CCDC144A: variants seen among roughly 807,000 people sequenced by gnomAD.
The protein encoded by CCDC144A is coiled-coil domain-containing protein 144A.
A neutral mutation model predicts 143.8 loss-of-function variants in CCDC144A; 41 were observed. The ratio of observed to expected loss-of-function variants is 0.29; its 90% CI spans 0.22 to 0.37. CCDC144A has a LOEUF of 0.37. Among genes scored for constraint, CCDC144A ranks in the 10% least tolerant of loss-of-function variants. The pLI, the probability that CCDC144A is intolerant of heterozygous loss-of-function variation, is 1.00. For missense variants in CCDC144A, 637 were observed against 1,488.8 expected (o/e 0.43, Z 9.41); for synonymous variants, 242 against 517.9 (o/e 0.47, Z 7.23).
At chr17:16,742,751 G>T (rs181042036) in intron 12 of CCDC144A, among the ~76,000 whole-genome samples, 4 of 151,656 alleles carry the variant, frequency 2.6e-5, no homozygotes, top group Non-Finnish European at 5.9e-5. Flanking sequence ...GATTTTTTTT[G>T]ATAGTAGCCA....
intron 8 of CCDC144A, among the ~76,000 whole-genome samples, chr17:16,722,561 G>A (rs888003063): frequency 4.6e-5 from 7 of 151,604 alleles, no homozygotes; most frequent in African/African-American, 1.7e-4. Context: ...GTTCAGTCTC[G>A]GTGTCTTATA....
chr17:16,715,310 TAAAAAA>T (rs368911895), intron 6 of CCDC144A, among the ~76,000 whole-genome samples: 1 of 129,074 alleles, frequency 7.7e-6, no homozygotes. Context: ...GATTCTCAGG[TAAAAAA>T]AAAAAAAAAG....
chr17:16,738,189 A>ATTTG (rs1914107089), intron 12 of CCDC144A, among the ~76,000 whole-genome samples: 2 of 149,526 alleles, frequency 1.3e-5, no homozygotes, highest in African/African-American at 2.5e-5. Context: ...TTTAATTTAC[A>ATTTG]AACTACTTGA....
intron 2 of CCDC144A, among the ~76,000 whole-genome samples, chr17:16,694,063 G>A (rs1212751227): frequency 6.7e-6 from 1 of 148,774 alleles, no homozygotes; most frequent in Non-Finnish European, 1.5e-5. Flanking sequence ...TAGTCTTCAA[G>A]TTGAGCAGGC....
chr17:16,684,207 C>T, the CCDC144A span: 352 of 943,920 alleles, frequency 3.7e-4, 2 homozygotes, highest in South Asian at 6.4e-4. Flanking sequence ...GAGAGGCTGA[C>T]CCAGGGGATG....
chr17:16,688,486 T>G (rs1490010345), upstream of CCDC144A, among the ~76,000 whole-genome samples: 4 of 12,560 alleles, frequency 3.2e-4, no homozygotes, highest in Non-Finnish European at 5.7e-4. Flanking sequence ...CTTTTTCTGT[T>G]TTTTTTTTTT....
chr17:16,752,209 C>CGCGA (rs1914827925), intron 12 of CCDC144A, among the ~76,000 whole-genome samples: 1 of 152,162 alleles, frequency 6.6e-6, no homozygotes, highest in Admixed American at 6.5e-5. Flanking sequence ...CTCATAGGAG[C>CGCGA]GCGAGCCGTG....
the CCDC144A span, among the ~76,000 whole-genome samples, chr17:16,681,132 A>T: frequency 6.6e-6 from 1 of 152,072 alleles, no homozygotes. Flanking sequence ...AGAGAAAAAT[A>T]AATTTAGATA....
At chr17:16,753,796 GATATTGGC>G (rs1244139128) in intron 12 of CCDC144A, among the ~76,000 whole-genome samples, 1 of 152,184 alleles carries the variant, frequency 6.6e-6, no homozygotes, top group African/African-American at 2.4e-5. Context: ...ATCCTTCAGG[GATATTGGC>G]ATGTAGTTTT....
chr17:16,741,494 C>T (rs1914254331), intron 12 of CCDC144A, among the ~76,000 whole-genome samples: 1 of 152,218 alleles, frequency 6.6e-6, no homozygotes, highest in Non-Finnish European at 1.5e-5. Flanking sequence ...AGAGCCTCTT[C>T]TAACTTAATG....
intron 8 of CCDC144A, among the ~76,000 whole-genome samples, chr17:16,726,321 C>CA (rs1181168548): frequency 4.8e-5 from 7 of 146,350 alleles, no homozygotes; most frequent in Non-Finnish European, 1.0e-4. Flanking sequence ...GCGGAGCTTG[C>CA]AGTGAGCCGA....
At chr17:16,757,999 C>T (rs1915178377) in intron 12 of CCDC144A, among the ~76,000 whole-genome samples, 1 of 152,144 alleles carries the variant, frequency 6.6e-6, no homozygotes, top group African/African-American at 2.4e-5. Context: ...TTCCAGTATA[C>T]TCTCTTTGAT....
rs1242309292 is a variant in CCDC144A at position 16,711,713 on chromosome 17, G to C, written c.1613G>C (p.Ser538Thr). 1.3e-6 allele frequency: 2 copies of C among 1,595,664 alleles called. No individual in the cohort carries two copies. Among genetic ancestry groups the C allele is most frequent in the East Asian group, 4.5e-5 (2 of 44,804 alleles). The change falls in exon 6 of 17, where the codon AGC becomes ACC. Residue 538 changes from serine (S) to threonine (T), a missense_variant. Coordinates refer to ENST00000399273, the MANE Select transcript of CCDC144A (RefSeq NM_001382000.1). ...EEEMEKHRSNSTELSGTLTDG... is the reference protein window; with the variant it reads ...EEEMEKHRSNTTELSGTLTDG... Reference sequence around the variant, plus strand: ...GAAATGGAGAAGCACAGAAGTAATAGCACAGAATTATCAGGAACCCTAACT... The same window carrying C: ...GAAATGGAGAAGCACAGAAGTAATACCACAGAATTATCAGGAACCCTAACT...
intron 8 of CCDC144A, 142 bp downstream of exon 8, chr17:16,720,800 C>T (rs1392597034): frequency 3.8e-5 from 53 of 1,397,510 alleles, no homozygotes; most frequent in Middle Eastern, 2.3e-4. Context: ...TTATACTCTA[C>T]GCCAAAGAGC....
In CCDC144A at chr17:16,777,750, A is replaced by G. The variant is rs1474838581; in HGVS notation, c.*4117A>G. 1 of 139,804 alleles carries G rather than the reference A, an allele frequency of 7.2e-6. No individual in the cohort carries two copies. The highest frequency in any genetic ancestry group is 2.1e-4 in the East Asian group (1 of 4,730). The allele number at this position is 139,804 out of a possible 1,614,324, so 8.7% of individuals were successfully genotyped here. A position where few individuals can be genotyped will look rare whatever the true frequency, so the allele number is the denominator to read the frequency against. On this transcript the variant is annotated 3_prime_UTR_variant, in exon 17 of 17. Transcript: ENST00000399273. ...AAAATTCATAGCATTAAATGCCTATATCAAAAAGTCTGAAAGAGCACAAAT... is the reference window on the plus strand; with the variant it reads ...AAAATTCATAGCATTAAATGCCTATGTCAAAAAGTCTGAAAGAGCACAAAT...
chr17:16,698,621 T>C (rs1401794466), intron 2 of CCDC144A, among the ~76,000 whole-genome samples: 1 of 152,146 alleles, frequency 6.6e-6, no homozygotes. Context: ...TCTTACCTGC[T>C]TTTTTGTGGA....
At position 16,776,329 on chromosome 17, in the gene CCDC144A, T is replaced by C. The variant is rs1915999993; in HGVS notation, c.*2696T>C. 1 of 152,250 alleles carries C rather than the reference T, an allele frequency of 6.6e-6. No individual in the cohort carries two copies. The highest frequency in any genetic ancestry group is 2.1e-4 in the South Asian group (1 of 4,834). 9.4% of individuals were successfully genotyped at this position (152,250 alleles called of 1,614,324 possible). A position where few individuals can be genotyped will look rare whatever the true frequency, so the allele number is the denominator to read the frequency against. On this transcript the variant is annotated 3_prime_UTR_variant, in exon 17 of 17. Coordinates refer to ENST00000399273, the MANE Select transcript of CCDC144A (RefSeq NM_001382000.1). ...ATTTTCACGATATTGAACCTTCCTG[T>C]CTGTGAGCATATGTTTTTCCATTTG...
At chr17:16,684,955 C>T (rs911213300), upstream of CCDC144A, among the ~76,000 whole-genome samples, 2 of 152,146 alleles carry the variant, frequency 1.3e-5, no homozygotes, top group African/African-American at 4.8e-5. Context: ...GAGCGAGACC[C>T]TGTCACAAAA....
chr17:16,755,806 C>T (rs1187233730), intron 12 of CCDC144A, among the ~76,000 whole-genome samples: 15 of 152,218 alleles, frequency 9.9e-5, no homozygotes, highest in Admixed American at 9.8e-4. Flanking sequence ...AGCAATCCCC[C>T]CACCTTGGCC....
Sources: allele counts gnomAD v4.1 joint callset (sites outside exome capture counted in the v4.1 genomes callset), GRCh38; gene constraint gnomAD v4.1.1; transcripts MANE v1.5; gene names NCBI Gene and HGNC (gene_info 2026-07-23, HGNC 2026-07-21).